The following MICU3 variants were observed in gnomAD, a reference collection of about 807,000 sequenced individuals.
MICU3 encodes the protein calcium uptake protein 3, mitochondrial.
In MICU3, 62 loss-of-function variants were observed where a neutral mutation model predicts 66.5. The ratio of observed to expected loss-of-function variants is 0.93; its 90% CI spans 0.76 to 1.15. The LOEUF (loss-of-function observed/expected upper bound fraction) is 1.15, where lower values mean the gene tolerates loss of function less well. Among genes scored for constraint, MICU3 ranks in the 50% most tolerant of loss-of-function variants. MICU3 has a pLI of 0.00. For synonymous variants in MICU3, 308 were observed against 240.7 expected, an observed-to-expected ratio of 1.28 and a Z score of -2.59; for missense variants, 779 against 664.4, an observed-to-expected ratio of 1.17 and a Z score of -1.90.
At chr8:17,109,030 C>G (rs1801980903) in intron 11 of MICU3, among the ~76,000 whole-genome samples, 1 of 152,030 alleles carries the variant, frequency 6.6e-6, no homozygotes, top group Non-Finnish European at 1.5e-5. Flanking sequence ...TATGCTATTT[C>G]TCAATGATGC....
At chr8:17,055,491 G>A (rs1816782886) in intron 1 of MICU3, among the ~76,000 whole-genome samples, 1 of 152,148 alleles carries the variant, frequency 6.6e-6, no homozygotes, top group Non-Finnish European at 1.5e-5. Flanking sequence ...AATAGTTAGG[G>A]TATAGATGTC....
chr8:17,059,230 G>T (rs1585273254), intron 1 of MICU3, among the ~76,000 whole-genome samples: 1 of 152,136 alleles, frequency 6.6e-6, no homozygotes, highest in Non-Finnish European at 1.5e-5. Context: ...TTTGTTTGGG[G>T]ACTAGTATTT....
At chr8:17,095,743 C>G (rs1168173844) in intron 8 of MICU3, among the ~76,000 whole-genome samples, 3 of 151,642 alleles carry the variant, frequency 2.0e-5, no homozygotes, top group Non-Finnish European at 2.9e-5. Context: ...TCCTCCTTCC[C>G]TCTTTATTTC....
intron 9 of MICU3, among the ~76,000 whole-genome samples, chr8:17,099,501 T>C (rs1432407114): frequency 6.6e-6 from 1 of 151,820 alleles, no homozygotes; most frequent in Non-Finnish European, 1.5e-5. Context: ...TTGAAAATGT[T>C]AATTTTGTCG....
chr8:17,078,444 T>C (rs1820705359), intron 4 of MICU3, among the ~76,000 whole-genome samples: 1 of 152,116 alleles, frequency 6.6e-6, no homozygotes, highest in African/African-American at 2.4e-5. Context: ...AATCAAATTA[T>C]ATGGCTTTTA....
the MICU3 span, among the ~76,000 whole-genome samples, chr8:17,130,123 A>T: frequency 6.6e-6 from 1 of 152,220 alleles, no homozygotes. Flanking sequence ...TTCTTTAGGC[A>T]ATTGGGGAAT....
chr8:17,079,330 A>G (rs1277687680), intron 4 of MICU3, among the ~76,000 whole-genome samples: 1 of 152,148 alleles, frequency 6.6e-6, no homozygotes, highest in African/African-American at 2.4e-5. Flanking sequence ...TTAAATTTAA[A>G]TAGCTACACC....
At chr8:17,105,295 T>C (rs1801645769) in intron 10 of MICU3, 118 bp from the exon 11 acceptor site, 1 of 599,782 alleles carries the variant, frequency 1.7e-6, no homozygotes, top group Non-Finnish European at 2.9e-6. Context: ...TATTAATCTT[T>C]GCATCATCAT....
intron 6 of MICU3, among the ~76,000 whole-genome samples, chr8:17,085,690 C>T (rs1356823533): frequency 6.6e-6 from 1 of 152,070 alleles, no homozygotes; most frequent in East Asian, 1.9e-4. Context: ...TCTTCCTTCT[C>T]AATATGGGAT....
At chr8:17,056,927 A>C (rs1817034056) in intron 1 of MICU3, among the ~76,000 whole-genome samples, 1 of 152,234 alleles carries the variant, frequency 6.6e-6, no homozygotes. Context: ...ACTGAAGTAG[A>C]TCTAAAATAT....
chr8:17,125,760 C>T (rs545823607), downstream of MICU3, among the ~76,000 whole-genome samples: 31 of 152,180 alleles, frequency 2.0e-4, no homozygotes, highest in East Asian at 4.1e-3. Context: ...TGGCCAGGCA[C>T]GATCGCTCAC....
At chr8:17,114,231 A>G (rs762806946) in intron 12 of MICU3, 30 bp downstream of exon 12, 4 of 1,350,562 alleles carry the variant, frequency 3.0e-6, no homozygotes, top group Non-Finnish European at 4.2e-6. Context: ...AATTAAAAGC[A>G]AGAAGTAATA....
At chr8:17,131,775 C>T in the MICU3 span, 4 of 152,364 alleles carry the variant, frequency 2.6e-5, no homozygotes, top group African/African-American at 9.6e-5. Context: ...CCTTCCTCCT[C>T]CAGCGTCCTC....
chr8:17,070,759 T>C (rs1227443662), intron 3 of MICU3, among the ~76,000 whole-genome samples: 1 of 152,054 alleles, frequency 6.6e-6, no homozygotes, highest in South Asian at 2.1e-4. Flanking sequence ...AGAGACATTG[T>C]CTTTAAAGTT....
intron 1 of MICU3, among the ~76,000 whole-genome samples, chr8:17,041,070 C>G (rs1813985247): frequency 6.6e-6 from 1 of 152,118 alleles, no homozygotes. Context: ...GTCAGAAGCT[C>G]AGGAGAGAAA....
intron 5 of MICU3, among the ~76,000 whole-genome samples, chr8:17,084,224 C>T (rs140801749): frequency 6.6e-6 from 1 of 151,996 alleles, no homozygotes; most frequent in Non-Finnish European, 1.5e-5. Context: ...GTAAGGAGGA[C>T]TTCTTTTCTG....
chr8:17,027,689 C>G (rs1321364376), intron 1 of MICU3, 29 bp downstream of exon 1: 3 of 1,267,230 alleles, frequency 2.4e-6, no homozygotes, highest in Admixed American at 4.2e-5. Context: ...GTCACACCTG[C>G]GCGGGGGATG....
At chr8:17,103,592 G>A (rs1801472195) in intron 9 of MICU3, among the ~76,000 whole-genome samples, 1 of 151,326 alleles carries the variant, frequency 6.6e-6, no homozygotes, top group African/African-American at 2.4e-5. Context: ...AAGGAAGGAA[G>A]GAAGGAAGGG....
intron 11 of MICU3, among the ~76,000 whole-genome samples, chr8:17,109,695 A>G (rs191365799): frequency 1.3e-4 from 20 of 152,258 alleles, no homozygotes; most frequent in African/African-American, 4.6e-4. Context: ...GTGCTATACA[A>G]TCTTTGGGCC....
Sources: allele counts gnomAD v4.1 joint callset (sites outside exome capture counted in the v4.1 genomes callset), GRCh38; gene constraint gnomAD v4.1.1; transcripts MANE v1.5; gene names NCBI Gene and HGNC (gene_info 2026-07-23, HGNC 2026-07-21).